The following LARGE1 variants were observed in gnomAD, a reference collection of about 807,000 sequenced individuals.
The protein encoded by LARGE1 is LARGE xylosyl- and glucuronyltransferase 1, also known as xylosyl- and glucuronyltransferase LARGE1.
LARGE1 carries 43 observed loss-of-function variants against 87.6 expected under a neutral mutation model. The observed-to-expected ratio is 0.49, with a 90% CI of 0.38 to 0.63. The LOEUF is 0.63. LARGE1 is among the 30% of genes least tolerant of loss of function. The probability of loss-of-function intolerance (pLI) is 0.00; values close to 1 mark genes in which losing one functional copy is unlikely to be tolerated. For missense variants in LARGE1, 802 were observed against 1,000.2 expected, an observed-to-expected ratio of 0.80 and a Z score of 2.67; for synonymous variants, 434 against 394.6, an observed-to-expected ratio of 1.10 and a Z score of -1.18.
chr22:33,690,617 T>A (rs2082072474), intron 2 of LARGE1, among the ~76,000 whole-genome samples: 1 of 151,382 alleles, frequency 6.6e-6, no homozygotes, highest in Admixed American at 6.6e-5. Context: ...GAAGGACCTT[T>A]CCTTGTAGGG....
At chr22:33,089,371 C>CTTCTTCTTCTTCTTCTCCTCCTT in the LARGE1 span, among the ~76,000 whole-genome samples, 3 of 76,046 alleles carry the variant, frequency 3.9e-5, no homozygotes, top group Admixed American at 1.3e-4. Context: ...TTCTTCTTCT[C>CTTCTTCTTCTTCTTCTCCTCCTT]CTTCTTCTTC....
chr22:33,897,677 C>T (rs748685707), intron 1 of LARGE1, among the ~76,000 whole-genome samples: 1 of 152,182 alleles, frequency 6.6e-6, no homozygotes, highest in Non-Finnish European at 1.5e-5. Flanking sequence ...GCAAACAGGC[C>T]ATTATCAAAT....
chr22:33,252,987 A>C (rs1310983069), intron 11 of LARGE1, among the ~76,000 whole-genome samples: 1 of 152,158 alleles, frequency 6.6e-6, no homozygotes, highest in African/African-American at 2.4e-5. Context: ...CTGAATTGGC[A>C]TTTTTAGTCT....
At chr22:33,575,111 C>T (rs548398123) in intron 5 of LARGE1, among the ~76,000 whole-genome samples, 1 of 152,070 alleles carries the variant, frequency 6.6e-6, no homozygotes, top group East Asian at 1.9e-4. Context: ...AAAACCAGCA[C>T]CCCGGGTGAT....
At chr22:33,501,037 G>C (rs1275129030) in intron 6 of LARGE1, among the ~76,000 whole-genome samples, 3 of 152,124 alleles carry the variant, frequency 2.0e-5, no homozygotes, top group Non-Finnish European at 4.4e-5. Context: ...GGACAGCCTA[G>C]GACCCTCCAT....
At chr22:33,678,128 A>G (rs933357749) in intron 2 of LARGE1, among the ~76,000 whole-genome samples, 11 of 152,236 alleles carry the variant, frequency 7.2e-5, no homozygotes, top group African/African-American at 2.7e-4. Flanking sequence ...TTCAGAAAGA[A>G]TCTGGAGAGC....
chr22:33,806,872 T>C (rs191704566), intron 1 of LARGE1, among the ~76,000 whole-genome samples: 2 of 152,268 alleles, frequency 1.3e-5, no homozygotes, highest in East Asian at 1.9e-4. Context: ...TAGCTGGGCA[T>C]GGTGTCACGT....
chr22:33,370,967 T>C (rs928962790), intron 9 of LARGE1, among the ~76,000 whole-genome samples: 30 of 150,048 alleles, frequency 2.0e-4, no homozygotes, highest in African/African-American at 7.3e-4. Flanking sequence ...TTATATATGT[T>C]ATGTCTACAT....
intron 11 of LARGE1, among the ~76,000 whole-genome samples, chr22:33,178,723 T>A (rs939959758): frequency 1.3e-5 from 2 of 152,198 alleles, no homozygotes; most frequent in African/African-American, 4.8e-5. Flanking sequence ...GAATAATTTC[T>A]AGTATACCAA....
chr22:33,280,107 A>G (rs1439857885), intron 13 of LARGE1, among the ~76,000 whole-genome samples: 1 of 152,184 alleles, frequency 6.6e-6, no homozygotes, highest in Non-Finnish European at 1.5e-5. Flanking sequence ...TTTTATAACA[A>G]AGTGGTTAAA....
intron 7 of LARGE1, among the ~76,000 whole-genome samples, chr22:33,419,664 CTTTG>C (rs1004974213): frequency 8.5e-6 from 1 of 117,222 alleles, no homozygotes; most frequent in Non-Finnish European, 1.9e-5. Flanking sequence ...CCAGATGAAT[CTTTG>C]TTTTTGTTGT....
intron 5 of LARGE1, 53 bp downstream of exon 5, chr22:33,604,382 A>G (rs1602668820): frequency 1.2e-6 from 2 of 1,612,634 alleles, no homozygotes; most frequent in Non-Finnish European, 1.7e-6. Flanking sequence ...ACCACAAGTA[A>G]TAACGCTTCC....
chr22:33,142,356 C>T, the LARGE1 span, among the ~76,000 whole-genome samples: 1 of 152,064 alleles, frequency 6.6e-6, no homozygotes, highest in East Asian at 1.9e-4. Flanking sequence ...CCCCCAAACC[C>T]CTTGTTAAAT....
At chr22:33,248,825 G>T (rs1470862474) in intron 11 of LARGE1, among the ~76,000 whole-genome samples, 1 of 152,098 alleles carries the variant, frequency 6.6e-6, no homozygotes, top group East Asian at 1.9e-4. Flanking sequence ...TTTCAGACTG[G>T]CATCTTTTAC....
At chr22:33,246,207 C>T (rs1272464804) in intron 11 of LARGE1, among the ~76,000 whole-genome samples, 1 of 152,016 alleles carries the variant, frequency 6.6e-6, no homozygotes, top group Non-Finnish European at 1.5e-5. Context: ...TAGAAGAGTC[C>T]AACACTGCAG....
At chr22:33,560,782 A>G (rs1025284595) in intron 6 of LARGE1, among the ~76,000 whole-genome samples, 1 of 151,860 alleles carries the variant, frequency 6.6e-6, no homozygotes, top group Non-Finnish European at 1.5e-5. Flanking sequence ...GAGCATGAAA[A>G]GTAATTTAAT....
At chr22:33,267,651 TC>T (rs1303145621), downstream of LARGE1, among the ~76,000 whole-genome samples, 1 of 151,262 alleles carries the variant, frequency 6.6e-6, no homozygotes, top group African/African-American at 2.5e-5. Context: ...GAGGCATTTC[TC>T]AGAGACTTCT....
chr22:33,077,652 T>G, the LARGE1 span, among the ~76,000 whole-genome samples: 2 of 152,218 alleles, frequency 1.3e-5, no homozygotes, highest in Admixed American at 6.5e-5. Context: ...TGTGCATGCC[T>G]TTTCCAATCA....
intron 12 of LARGE1, among the ~76,000 whole-genome samples, chr22:33,283,690 T>A (rs758120393): frequency 6.6e-6 from 1 of 151,716 alleles, no homozygotes; most frequent in African/African-American, 2.4e-5. Context: ...GGCATGACAA[T>A]TGCTGGAGCC....
Sources: gnomAD v4.1 joint callset for allele counts (sites outside exome capture counted in the v4.1 genomes callset) on GRCh38, gnomAD v4.1.1 for gene constraint, MANE v1.5 for transcripts, NCBI Gene and HGNC (gene_info 2026-07-23, HGNC 2026-07-21) for gene names.